Variants in CFAP52 observed in about 807,000 individuals in gnomAD.
CFAP52 encodes the protein cilia and flagella associated protein 52, also known as cilia- and flagella-associated protein 52.
In CFAP52, 57 loss-of-function variants were observed where a neutral mutation model predicts 70.5. The observed-to-expected ratio is 0.81, with a 90% CI of 0.65 to 1.01. CFAP52 has a LOEUF of 1.01. CFAP52 is among the 50% of genes least tolerant of loss of function. CFAP52 has a pLI of 0.00. For missense variants in CFAP52, 785 were observed against 788.5 expected (o/e 1.00, Z 0.05); for synonymous variants, 267 against 292.5 (o/e 0.91, Z 0.89).
intron 9 of CFAP52, among the ~76,000 whole-genome samples, chr17:9,631,705 G>A (rs980978019): frequency 6.6e-6 from 1 of 152,136 alleles, no homozygotes; most frequent in East Asian, 1.9e-4. Context: ...ACTAGTTACC[G>A]TGGAGGATAA....
At chr17:9,642,211 G>A (rs1355580191) in intron 13 of CFAP52, among the ~76,000 whole-genome samples, 2 of 152,162 alleles carry the variant, frequency 1.3e-5, no homozygotes, top group African/African-American at 2.4e-5. Flanking sequence ...ATGATGCGAT[G>A]CCCTTCCCAC....
rs376192510 is a variant in CFAP52, at chr17:9,586,733, G to C, written c.306G>C (p.Glu102Asp). 8 of 1,613,606 alleles carry C rather than the reference G, an allele frequency of 5.0e-6. No individual in the cohort carries two copies. In the African/African-American group the frequency reaches 1.1e-4, roughly 22 times the overall value. ...DIILWDYKNR[E>D]LLARLSLHKG... ...TTTTGTGGGATTATAAGAACAGAGA[G>C]CTGCTTGCTCGGCTGTCCCTTCACA... The change falls in exon 3 of 14, where the codon GAG becomes GAC. Residue 102 changes from glutamate (E) to aspartate (D), a missense_variant. By Grantham distance (45) the Glu-to-Asp change is conservative. Transcript: ENST00000352665.
At chr17:9,576,952 C>G (rs1247750890) in intron 1 of CFAP52, among the ~76,000 whole-genome samples, 187 bp downstream of exon 1, 1 of 152,226 alleles carries the variant, frequency 6.6e-6, no homozygotes, top group African/African-American at 2.4e-5. Flanking sequence ...AGAGTCACTT[C>G]CTCGATCCAA....
At chr17:9,641,640 A>T (rs1911062635) in intron 12 of CFAP52, 84 bp from the exon 13 acceptor site, 1 of 984,600 alleles carries the variant, frequency 1.0e-6, no homozygotes, top group Non-Finnish European at 1.6e-6. Flanking sequence ...CCTTCTATAT[A>T]AAGTAGAGCC....
Position 9,585,688 on chromosome 17 carries a change from CAA to C in CFAP52, c.71-83_71-82del, listed in dbSNP as rs1412391846. On this transcript the variant is annotated intron_variant, in intron 1 of 13. Transcript: ENST00000352665. Reference sequence around the variant, plus strand: ...ACTCTGTCACACACACACACACACACAAAGTGTTGTGTTTTGTACTCAAGTAG... The same window carrying C: ...ACTCTGTCACACACACACACACACACAGTGTTGTGTTTTGTACTCAAGTAG... The C allele has an allele frequency of 2.1e-5, 28 of 1,332,966 alleles. No homozygotes were observed. In the South Asian group the frequency reaches 2.6e-4, roughly 12 times the overall value. 82.6% of individuals were successfully genotyped at this position (1,332,966 alleles called of 1,614,324 possible).
intron 10 of CFAP52, among the ~76,000 whole-genome samples, chr17:9,634,507 G>A (rs529827481): frequency 5.5e-4 from 84 of 152,150 alleles, no homozygotes; most frequent in African/African-American, 1.7e-3. Context: ...TAGGCCAGGC[G>A]TGGTGAGTTG....
intron 3 of CFAP52, among the ~76,000 whole-genome samples, chr17:9,591,031 T>TA (rs1491387138): frequency 9.9e-4 from 3 of 3,044 alleles, no homozygotes; most frequent in Non-Finnish European, 2.8e-3. Flanking sequence ...TGCATGCATC[T>TA]TTTTTTTTTT....
chr17:9,581,663 A>C (rs1397644620), intron 1 of CFAP52, among the ~76,000 whole-genome samples: 1 of 152,116 alleles, frequency 6.6e-6, no homozygotes, highest in Non-Finnish European at 1.5e-5. Flanking sequence ...ATTGTAGTGG[A>C]CATGCGTAGT....
intron 1 of CFAP52, among the ~76,000 whole-genome samples, chr17:9,581,678 G>A (rs1266655555): frequency 2.0e-5 from 3 of 152,126 alleles, no homozygotes; most frequent in African/African-American, 4.8e-5. Context: ...CGTAGTTTTG[G>A]TTACTCATAT....
intron 2 of CFAP52, 120 bp from the exon 3 acceptor site, chr17:9,586,578 A>C: frequency 7.4e-7 from 1 of 1,350,562 alleles, no homozygotes; most frequent in Non-Finnish European, 9.7e-7. Flanking sequence ...CAAAAAAAAA[A>C]AAAAAAAGAA....
Position 9,585,930 on chromosome 17 carries a change from A to G in CFAP52, c.228A>G (p.Gly76=), listed in dbSNP as rs758256764. 6.2e-7 allele frequency: 1 copy of G among 1,613,576 alleles called. No homozygotes were observed. Among genetic ancestry groups the G allele is most frequent in the Non-Finnish European group, 8.5e-7 (1 of 1,179,820 alleles). ...CCTGCTTGGCCATCTCCAGGTCTGG[A>G]GAGTACATCGCCTCCGGACAAGTCA... ...NVSCLAISRS[G]EYIASGQVTF... The change falls in exon 2 of 14, where the codon GGA becomes GGG. Residue 76 remains glycine, a synonymous_variant. Transcript: ENST00000352665.
chr17:9,598,204 T>C, intron 4 of CFAP52, 30 bp from the exon 5 acceptor site: 3 of 1,520,956 alleles, frequency 2.0e-6, no homozygotes, highest in Non-Finnish European at 2.7e-6. Flanking sequence ...TCCATTTGAT[T>C]GTGGTTTTTT....
intron 1 of CFAP52, chr17:9,584,107 G>T: frequency 1.0e-6 from 1 of 974,492 alleles, no homozygotes; most frequent in Non-Finnish European, 1.3e-6. Flanking sequence ...GATGCCATCT[G>T]CCCTGTTCTT....
At chr17:9,585,638 C>A in intron 1 of CFAP52, 135 bp from the exon 2 acceptor site, 1 of 896,884 alleles carries the variant, frequency 1.1e-6, no homozygotes, top group Non-Finnish European at 1.8e-6. Flanking sequence ...CACCATTGCA[C>A]CCCAGGCTGG....
intron 10 of CFAP52, 33 bp from the exon 11 acceptor site, chr17:9,635,372 G>A: frequency 6.2e-7 from 1 of 1,612,626 alleles, no homozygotes; most frequent in Non-Finnish European, 8.5e-7. Context: ...AGTCCCAAGT[G>A]TGGATCAAGA....
rs1334231985 is a variant in CFAP52, at chr17:9,584,469, A to G, written c.71-1304A>G. On this transcript the variant is annotated intron_variant, in intron 1 of 13. Transcript: ENST00000352665. ...TTAAGGTTGTATCAATTTAAAGTGT[A>G]TAACACAATGTGTTGATAGACATAT... 2.7e-5 allele frequency: 24 copies of G among 889,790 alleles called. 2 individuals are homozygous for G. In the South Asian group the frequency reaches 3.7e-4, roughly 14 times the overall value. The allele number at this position is 889,790 out of a possible 1,614,324, so 55.1% of individuals were successfully genotyped here. A position where few individuals can be genotyped will look rare whatever the true frequency, so the allele number is the denominator to read the frequency against.
At chr17:9,636,344 C>A (rs1365525355) in intron 11 of CFAP52, among the ~76,000 whole-genome samples, 1 of 152,154 alleles carries the variant, frequency 6.6e-6, no homozygotes, top group Non-Finnish European at 1.5e-5. Flanking sequence ...GGGAGGGATG[C>A]TGGTGGGACA....
chr17:9,644,167 G>A (rs982286086), downstream of CFAP52, among the ~76,000 whole-genome samples: 2 of 152,162 alleles, frequency 1.3e-5, no homozygotes, highest in Admixed American at 6.5e-5. Flanking sequence ...CTTGTCGCCC[G>A]GCTGGAGTGC....
Position 9,585,882 on chromosome 17 carries a change from A to G in CFAP52, c.180A>G (p.Leu60=), listed in dbSNP as rs1908446117. 1 of 1,613,774 alleles carries G rather than the reference A, an allele frequency of 6.2e-7. No homozygotes were observed. The highest frequency in any genetic ancestry group is 8.5e-7 in the Non-Finnish European group (1 of 1,179,998). ...QAINTKEQNF[L]QGHGNNVSCL... ...TAAATACTAAAGAGCAGAACTTCCT[A>G]CAGGGTCATGGCAACAACGTCTCCT... The change falls in exon 2 of 14, where the codon CTA becomes CTG. Residue 60 remains leucine, a synonymous_variant. Transcript: ENST00000352665.
Sources: allele counts gnomAD v4.1 joint callset (sites outside exome capture counted in the v4.1 genomes callset), GRCh38; gene constraint gnomAD v4.1.1; transcripts MANE v1.5; gene names NCBI Gene and HGNC (gene_info 2026-07-23, HGNC 2026-07-21).